Variants in RMND1 observed in about 807,000 individuals in gnomAD.
The protein encoded by RMND1 is required for meiotic nuclear division protein 1 homolog.
Under a neutral mutation model 54.0 loss-of-function variants are expected in RMND1, and 41 were observed. The observed-to-expected ratio is 0.76, with a 90% confidence interval of 0.59 to 0.98. The LOEUF is 0.98. Ranked by LOEUF, RMND1 falls within the 50% of genes least tolerant of loss-of-function variation. The probability of loss-of-function intolerance (pLI) is 0.00; values close to 1 mark genes in which losing one functional copy is unlikely to be tolerated. For missense variants in RMND1, 457 were observed against 532.0 expected, an observed-to-expected ratio of 0.86 and a Z score of 1.39; for synonymous variants, 183 against 181.7, an observed-to-expected ratio of 1.01 and a Z score of -0.06.
At chr6:151,439,203 G>C (rs192887848) in intron 2 of RMND1, among the ~76,000 whole-genome samples, 1 of 152,298 alleles carries the variant, frequency 6.6e-6, no homozygotes, top group East Asian at 1.9e-4. Flanking sequence ...ACAGAGACCT[G>C]TGCAGAAATT....
intron 3 of RMND1, among the ~76,000 whole-genome samples, chr6:151,434,360 T>C (rs1290793321): frequency 3.9e-5 from 6 of 152,132 alleles, no homozygotes; most frequent in Non-Finnish European, 8.8e-5. Flanking sequence ...TTCAGAAATT[T>C]CTGGTAAAGG....
chr6:151,429,450 T>TTA (rs773353384), intron 5 of RMND1, among the ~76,000 whole-genome samples: 1 of 152,142 alleles, frequency 6.6e-6, no homozygotes, highest in Non-Finnish European at 1.5e-5. Flanking sequence ...TGTAACTGTA[T>TTA]TATATATATA....
At chr6:151,443,844 C>T (rs1780865285) in intron 2 of RMND1, among the ~76,000 whole-genome samples, 1 of 152,320 alleles carries the variant, frequency 6.6e-6, no homozygotes, top group African/African-American at 2.4e-5. Context: ...CACTAAATCC[C>T]AGGAGGAGTT....
Position 151,423,640 on chromosome 6 carries a change from A to G in RMND1, c.831-9T>C. On this transcript the variant is annotated splice_polypyrimidine_tract_variant and intron_variant, in intron 6 of 11. Coordinates refer to ENST00000444024, the MANE Select transcript of RMND1 (RefSeq NM_017909.4). ...GAAGTTTTGACTGTCCCCTGTGAAA[A>G]GCAAAAAGATAATACCTTCTAAATC... 5.1e-6 allele frequency: 8 copies of G among 1,565,512 alleles called. No homozygotes were observed. The highest frequency in any genetic ancestry group is 7.0e-6 in the Non-Finnish European group (8 of 1,135,956).
chr6:151,423,014 C>T (rs573865884), intron 7 of RMND1, among the ~76,000 whole-genome samples: 1 of 152,254 alleles, frequency 6.6e-6, no homozygotes, highest in African/African-American at 2.4e-5. Context: ...GTGGGATGGA[C>T]AGGACGCTGC....
chr6:151,422,848 G>T (rs1320935314), intron 7 of RMND1, among the ~76,000 whole-genome samples: 2 of 152,088 alleles, frequency 1.3e-5, no homozygotes, highest in Non-Finnish European at 1.5e-5. Context: ...TAGAACTCTT[G>T]ATTTTCTAGT....
At chr6:151,436,323 C>T in intron 3 of RMND1, 123 bp downstream of exon 3, 1 of 1,116,192 alleles carries the variant, frequency 9.0e-7, no homozygotes, top group Non-Finnish European at 1.3e-6. Flanking sequence ...TCAACATCCA[C>T]TTTTATGATA....
chr6:151,420,400 T>C (rs1423995006), intron 9 of RMND1, among the ~76,000 whole-genome samples: 1 of 152,168 alleles, frequency 6.6e-6, no homozygotes, highest in Non-Finnish European at 1.5e-5. Context: ...AAACAAGTCT[T>C]AGGTGAACAT....
At chr6:151,450,515 G>T (rs79103768) in intron 1 of RMND1, among the ~76,000 whole-genome samples, 1 of 135,388 alleles carries the variant, frequency 7.4e-6, no homozygotes, top group Non-Finnish European at 1.6e-5. Context: ...CAGCCGCCCC[G>T]TCCGGGAGGG....
intron 5 of RMND1, 148 bp from the exon 6 acceptor site, chr6:151,427,730 T>C (rs968388272): frequency 1.8e-6 from 1 of 570,398 alleles, no homozygotes; most frequent in Non-Finnish European, 3.1e-6. Context: ...TCAAATCCAT[T>C]GTGATATTAA....
rs749857468 is a variant in RMND1, at chr6:151,405,747, C to T, written c.1290G>A (p.Trp430Ter). Reference protein sequence around the residue: ...LNEKRALRLEWMIVILITIEV... With the variant: ...LNEKRALRLE Reference sequence around the variant, plus strand: ...CTATGGTAATGAGGATGACAATCATCCACTCCAAGCGGAGTGCCCTCTTCT... The same window carrying T: ...CTATGGTAATGAGGATGACAATCATTCACTCCAAGCGGAGTGCCCTCTTCT... Residue 430 changes from tryptophan (W) to a stop codon, truncating the protein, a stop_gained, in exon 11 of 12, where the codon TGG becomes TGA. Transcript: ENST00000444024. LOFTEE classifies it high-confidence loss of function. The T allele has an allele frequency of 6.3e-7, 1 of 1,584,218 alleles. No individual in the cohort carries two copies. Among genetic ancestry groups the T allele is most frequent in the Non-Finnish European group, 8.7e-7 (1 of 1,153,058 alleles).
At chr6:151,424,229 G>C (rs1425177104) in intron 6 of RMND1, among the ~76,000 whole-genome samples, 1 of 152,088 alleles carries the variant, frequency 6.6e-6, no homozygotes, top group East Asian at 2.0e-4. Flanking sequence ...GGGAGGCCGA[G>C]GCAGGTGGAT....
intron 2 of RMND1, among the ~76,000 whole-genome samples, chr6:151,439,629 CA>C (rs960378500): frequency 2.0e-5 from 3 of 152,120 alleles, no homozygotes; most frequent in African/African-American, 7.2e-5. Flanking sequence ...ATGGCGGTGG[CA>C]GGCATTATTA....
In RMND1 at chr6:151,404,996, G is replaced by A. The variant is rs1391304338; in HGVS notation, c.*239C>T. The A allele has an allele frequency of 9.5e-6, 4 of 422,576 alleles. No homozygotes were observed. In the East Asian group the frequency reaches 1.5e-4, roughly 16 times the overall value. 26.2% of individuals were successfully genotyped at this position (422,576 alleles called of 1,614,324 possible). A position where few individuals can be genotyped will look rare whatever the true frequency, so the allele number is the denominator to read the frequency against. On this transcript the variant is annotated 3_prime_UTR_variant, in exon 12 of 12. Transcript: ENST00000444024. ...AGATTCTCCTGCCTCAGCCTCCTGA[G>A]TAGCTGAGATGACGGGCGTGTGCCA...
chr6:151,414,381 A>T (rs1779939934), intron 10 of RMND1, among the ~76,000 whole-genome samples: 1 of 152,224 alleles, frequency 6.6e-6, no homozygotes, highest in Non-Finnish European at 1.5e-5. Context: ...GACCTTGTAT[A>T]TCAAGCCAGA....
intron 5 of RMND1, among the ~76,000 whole-genome samples, chr6:151,428,096 G>C (rs1195836224): frequency 1.3e-5 from 2 of 152,070 alleles, no homozygotes; most frequent in Non-Finnish European, 2.9e-5. Context: ...CGGTGTGACA[G>C]AGCAAGACCC....
chr6:151,442,599 G>A (rs139042580), intron 2 of RMND1, among the ~76,000 whole-genome samples: 25 of 152,078 alleles, frequency 1.6e-4, no homozygotes, highest in African/African-American at 5.8e-4. Context: ...GTGCAGTCAC[G>A]ACTCACTGCA....
At chr6:151,412,317 AT>A (rs60862608) in intron 10 of RMND1, among the ~76,000 whole-genome samples, 16,864 of 145,270 alleles carry the variant, frequency 0.12, 1,043 homozygotes, top group East Asian at 0.2. Flanking sequence ...TTGCTTTTTA[AT>A]TTTTTTTTTT....
intron 1 of RMND1, among the ~76,000 whole-genome samples, chr6:151,448,542 T>C (rs1249864645): frequency 1.3e-5 from 2 of 152,246 alleles, no homozygotes; most frequent in Admixed American, 6.5e-5. Flanking sequence ...AGCTTGACTC[T>C]TTATTCTCCA....
Sources: gnomAD v4.1 joint callset for allele counts (sites outside exome capture counted in the v4.1 genomes callset) on GRCh38, gnomAD v4.1.1 for gene constraint, MANE v1.5 for transcripts, NCBI Gene and HGNC (gene_info 2026-07-23, HGNC 2026-07-21) for gene names.